The following GPR19 variants were observed in gnomAD, a reference collection of about 807,000 sequenced individuals.
GPR19 encodes G protein-coupled receptor 19, also known as probable G protein-coupled receptor 19.
A neutral mutation model predicts 28.5 loss-of-function variants in GPR19; 14 were observed. The observed-to-expected ratio is 0.49, with a 90% CI of 0.32 to 0.77. The LOEUF is 0.77. GPR19 is among the 30% of genes least tolerant of loss of function. The pLI is 0.03. For synonymous variants in GPR19, 173 were observed against 184.1 expected, an observed-to-expected ratio of 0.94 and a Z score of 0.49; for missense variants, 409 against 504.1, an observed-to-expected ratio of 0.81 and a Z score of 1.81.
chr12:12,715,054 C>T, the GPR19 span: 1 of 152,204 alleles, frequency 6.6e-6, no homozygotes, highest in African/African-American at 2.4e-5. Context: ...TTATTTTCCA[C>T]TTCCATATAA....
At chr12:12,669,014 T>A (rs1327146912) in intron 3 of GPR19, 2 of 152,252 alleles carry the variant, frequency 1.3e-5, no homozygotes, top group Non-Finnish European at 2.9e-5. Flanking sequence ...CACAGAGGGC[T>A]GGATCTGAAT....
At chr12:12,694,765 A>T (rs1163395190) in intron 2 of GPR19, among the ~76,000 whole-genome samples, 1 of 152,206 alleles carries the variant, frequency 6.6e-6, no homozygotes, top group East Asian at 1.9e-4. Flanking sequence ...TACACACTTT[A>T]TATGACATCA....
chr12:12,661,429 C>A lies in GPR19; in HGVS notation c.1020G>T (p.Gly340=), dbSNP rs914495359. 6 of 1,612,950 alleles carry A rather than the reference C, an allele frequency of 3.7e-6. No individual in the cohort carries two copies. The African/African-American group carries it at 8.0e-5, about 22-fold the overall frequency. The stretch of plus-strand genomic sequence containing the variant: ...AGGACATGCAAAAAGTCTCTTTCAT[C>A]CCTCTCCGAAAATTGGCATTATAAA... ...YSIYNANFRR[G]MKETFCMSSM... is the part of the protein sequence containing the mutation. Residue 340 remains glycine, a synonymous_variant, in exon 4 of 4, where the codon GGG becomes GGT. Coordinates refer to ENST00000651487, the MANE Select transcript of GPR19 (RefSeq NM_006143.3). This position sits in a 1 kb window ranked among gnomAD's most constrained non-coding sequence, Gnocchi z 4.2.
chr12:12,671,366 A>G (rs1207246206), intron 3 of GPR19, among the ~76,000 whole-genome samples: 3 of 152,012 alleles, frequency 2.0e-5, no homozygotes, highest in Admixed American at 6.6e-5. Context: ...CCTCACACCA[A>G]TGAAAACAGA....
chr12:12,662,862 A>ATGTGAGAAGTTCCTAAT (rs1465813370), intron 3 of GPR19, among the ~76,000 whole-genome samples: 1 of 152,252 alleles, frequency 6.6e-6, no homozygotes, highest in Non-Finnish European at 1.5e-5. Context: ...CTGGGCAAGT[A>ATGTGAGAAGTTCCTAAT]TGTGAGAAGT....
intron 3 of GPR19, among the ~76,000 whole-genome samples, chr12:12,663,947 G>A (rs921926323): frequency 2.6e-5 from 4 of 152,180 alleles, no homozygotes; most frequent in Non-Finnish European, 5.9e-5. Context: ...TCAAGTGACA[G>A]TCAGGATTAA....
At chr12:12,704,039 A>G in the GPR19 span, among the ~76,000 whole-genome samples, 1 of 152,184 alleles carries the variant, frequency 6.6e-6, no homozygotes, top group Non-Finnish European at 1.5e-5. Context: ...TGGCGGGGGA[A>G]GCACTTTCTG....
At chr12:12,708,251 G>A in the GPR19 span, among the ~76,000 whole-genome samples, 2 of 151,452 alleles carry the variant, frequency 1.3e-5, no homozygotes, top group Non-Finnish European at 2.9e-5. Flanking sequence ...CTCCCACCTC[G>A]GCCTATTTCC....
intron 3 of GPR19, chr12:12,684,003 AG>A (rs1318687726): frequency 1.3e-5 from 2 of 152,260 alleles, no homozygotes; most frequent in African/African-American, 4.8e-5. Flanking sequence ...CAGCTGAAAA[AG>A]GATGAAACAG....
chr12:12,711,739 T>A, the GPR19 span, among the ~76,000 whole-genome samples: 1 of 152,126 alleles, frequency 6.6e-6, no homozygotes, highest in South Asian at 2.1e-4. Flanking sequence ...TCTCCTACAT[T>A]CTCCTTTTCT....
At chr12:12,665,631 G>T (rs1267218765) in intron 3 of GPR19, among the ~76,000 whole-genome samples, 1 of 152,042 alleles carries the variant, frequency 6.6e-6, no homozygotes, top group Non-Finnish European at 1.5e-5. Context: ...AAGGTCAGGA[G>T]ATCGAGACCA....
chr12:12,699,838 C>T (rs957056798), upstream of GPR19, among the ~76,000 whole-genome samples: 2 of 152,162 alleles, frequency 1.3e-5, no homozygotes, highest in South Asian at 2.1e-4. Context: ...AGGAGAGATA[C>T]CTTTATGGTC....
the GPR19 span, among the ~76,000 whole-genome samples, chr12:12,708,249 TC>T: frequency 6.6e-6 from 1 of 152,050 alleles, no homozygotes; most frequent in Non-Finnish European, 1.5e-5. Flanking sequence ...TCCTCCCACC[TC>T]GGCCTATTTC....
At chr12:12,664,054 C>T (rs916944784) in intron 3 of GPR19, among the ~76,000 whole-genome samples, 1 of 152,072 alleles carries the variant, frequency 6.6e-6, no homozygotes, top group African/African-American at 2.4e-5. Flanking sequence ...TGTGCAGTGG[C>T]GCGATCTCTG....
intron 3 of GPR19, among the ~76,000 whole-genome samples, chr12:12,674,141 G>A (rs1323933892): frequency 6.7e-6 from 1 of 150,344 alleles, no homozygotes; most frequent in African/African-American, 2.5e-5. Context: ...GAACCTGGGA[G>A]GCGGAGGTTG....
Position 12,662,387 on chromosome 12 carries a change from A to T in GPR19, c.62T>A (p.Val21Glu). 6.2e-7 allele frequency: 1 copy of T among 1,614,120 alleles called. No individual in the cohort carries two copies. The highest frequency in any genetic ancestry group is 8.5e-7 in the Non-Finnish European group (1 of 1,180,016). ...AGTGCAGCTGCGGTTTTGGAGGGGC[A>T]CCAGAAGTGTAGGAATAATCAAATG... Reference protein sequence around the residue: ...KPHLIIPTLLVPLQNRSCTET... With the variant: ...KPHLIIPTLLEPLQNRSCTET... Residue 21 changes from valine (V) to glutamate (E), a missense_variant, in exon 4 of 4, where the codon GTG becomes GAG. Coordinates refer to ENST00000651487, the MANE Select transcript of GPR19 (RefSeq NM_006143.3).
chr12:12,701,738 C>T, the GPR19 span, among the ~76,000 whole-genome samples: 1 of 152,016 alleles, frequency 6.6e-6, no homozygotes, highest in Admixed American at 6.6e-5. Flanking sequence ...TGAGAGCAGC[C>T]TGAGCAACAT....
Position 12,662,300 on chromosome 12 carries a change from A to G in GPR19, c.149T>C (p.Met50Thr), listed in dbSNP as rs776839028. The part of the protein sequence containing the change: ...LMELSEEHSW[M>T]SNQTDLHYVL... ...ATAGTGAAGGTCTGTTTGGTTGCTC[A>G]TCCAACTGTGCTCCTCACTTAATTC... The change falls in exon 4 of 4, where the codon ATG becomes ACG. Residue 50 changes from methionine (M) to threonine (T), a missense_variant. Physicochemically the swap from Met to Thr is moderately conservative, Grantham distance 81. Transcript: ENST00000651487. 1.2e-6 allele frequency: 2 copies of G among 1,614,100 alleles called. No homozygotes were observed. Among genetic ancestry groups the G allele is most frequent in the African/African-American group, 2.7e-5 (2 of 74,930 alleles).
At chr12:12,686,172 C>A (rs188714975) in intron 2 of GPR19, among the ~76,000 whole-genome samples, 1 of 152,092 alleles carries the variant, frequency 6.6e-6, no homozygotes, top group Admixed American at 6.5e-5. Context: ...TTTTGAAAGA[C>A]GAATGCTGAC....
Sources: allele counts gnomAD v4.1 joint callset (sites outside exome capture counted in the v4.1 genomes callset), GRCh38; gene constraint gnomAD v4.1.1; non-coding constraint Gnocchi (gnomAD v3.1); transcripts MANE v1.5; gene names NCBI Gene and HGNC (gene_info 2026-07-23, HGNC 2026-07-21).